The following SULT1A1 variants were observed in gnomAD, a reference collection of about 807,000 sequenced individuals.
The protein encoded by SULT1A1 is sulfotransferase family 1A member 1.
In SULT1A1, 35 loss-of-function variants were observed where a neutral mutation model predicts 36.8. The ratio of observed to expected loss-of-function variants is 0.95; its 90% CI spans 0.73 to 1.26. The LOEUF (loss-of-function observed/expected upper bound fraction) is 1.26. Among genes scored for constraint, SULT1A1 ranks in the 50% most tolerant of loss-of-function variants. The probability of loss-of-function intolerance (pLI) is 0.00; values close to 1 mark genes in which losing one functional copy is unlikely to be tolerated. For missense variants in SULT1A1, 309 were observed against 383.0 expected (o/e 0.81, Z 1.61); for synonymous variants, 119 against 146.0 (o/e 0.82, Z 1.33).
upstream of SULT1A1, chr16:28,610,341 C>T: frequency 1.4e-6 from 1 of 692,624 alleles, no homozygotes; most frequent in Non-Finnish European, 2.0e-6. Context: ...CCCTGCCAGG[C>T]AGCCAACAGA....
rs1596633263 is a variant in SULT1A1, at chr16:28,608,313, G to A, written c.350C>T (p.Thr117Ile). Residue 117 changes from threonine to isoleucine, a missense_variant, in exon 4 of 8, where the codon ACT becomes ATT. Physicochemically the swap from Thr to Ile is moderately conservative, Grantham distance 89. This residue lies in a region of SULT1A1 where 219 missense variants were observed against 215.3 expected (regional missense o/e 1.02). Transcript: ENST00000314752. ...THLPLALLPQ[T>I]LLDQKVKVVY... is the part of the protein sequence containing the mutation. ...CACCTTGACCTTCTGATCCAACAGA[G>A]TCTGGGGGAGCAGAGCCAGGGGCAG... is the stretch of plus-strand genomic sequence containing the variant. 1.2e-6 allele frequency: 2 copies of A among 1,612,392 alleles called. No individual in the cohort carries two copies. The highest frequency in any genetic ancestry group is 4.5e-5 in the East Asian group (2 of 44,874).
At chr16:28,620,716 G>A (rs745857025) in intron 1 of SULT1A1, among the ~76,000 whole-genome samples, 2 of 152,134 alleles carry the variant, frequency 1.3e-5, no homozygotes, top group African/African-American at 2.4e-5. Flanking sequence ...AAACAATCCA[G>A]TTACAATAGT....
In SULT1A1 at chr16:28,608,550, C is replaced by A; in HGVS notation, c.202G>T (p.Glu68Ter). 6.2e-7 allele frequency: 1 copy of A among 1,612,506 alleles called. No individual in the cohort carries two copies. Among genetic ancestry groups the A allele is most frequent in the Non-Finnish European group, 8.5e-7 (1 of 1,178,696 alleles). ...AAGATGGGAGCTCGGTGACACTTCT[C>A]CAGGTCACCACCCTGGTAGATCATG... ...LDMIYQGGDL[E>*]KCHRAPIFMR... Residue 68 changes from glutamate to a stop codon, truncating the protein, a stop_gained, in exon 3 of 8, where the codon GAG (glutamate) becomes TAG (stop). Coordinates refer to ENST00000314752, the MANE Select transcript of SULT1A1 (RefSeq NM_001055.4). LOFTEE classifies it high-confidence loss of function.
At chr16:28,623,225 G>A (rs908749232) in exon 1 of SULT1A1, 3 of 1,545,166 alleles carry the variant, frequency 1.9e-6, no homozygotes, top group Non-Finnish European at 2.6e-6. Flanking sequence ...CCGGGAGCGC[G>A]CGCTCCAGCA....
At chr16:28,611,106 T>G (rs1473781369), upstream of SULT1A1, 1 of 152,418 alleles carries the variant, frequency 6.6e-6, no homozygotes, top group Admixed American at 6.6e-5. Context: ...GCTCCACCCC[T>G]GCCCTCAGCA....
chr16:28,609,765 A>G (rs1301220362), intron 1 of SULT1A1, 166 bp downstream of exon 1: 1 of 859,748 alleles, frequency 1.2e-6, no homozygotes, highest in Non-Finnish European at 1.6e-6. Context: ...GGGGAAAAAA[A>G]CAAACAAACA....
At position 28,606,803 on chromosome 16, in the gene SULT1A1, G is replaced by A; in HGVS notation, c.552C>T (p.Arg184=). 1.2e-6 allele frequency: 2 copies of A among 1,612,494 alleles called. No homozygotes were observed. The highest frequency in any genetic ancestry group is 8.5e-7 in the Non-Finnish European group (1 of 1,178,708). Residue 184 remains arginine (R), a synonymous_variant, in exon 6 of 8, where the codon CGC becomes CGT. Coordinates refer to ENST00000314752, the MANE Select transcript of SULT1A1 (RefSeq NM_001055.4). Reference sequence around the variant, plus strand: ...AGAAGAGGTAGAGAACAGGGTGGGTGCGGCTCAGCTCCCACCACTCCTGCA... The same window carrying A: ...AGAAGAGGTAGAGAACAGGGTGGGTACGGCTCAGCTCCCACCACTCCTGCA... ...QHVQEWWELS[R]THPVLYLFYE... is the part of the protein sequence containing the mutation.
rs768899038 is a variant in SULT1A1, at chr16:28,607,062, G to T, written c.388C>A (p.Arg130Ser). 6.2e-7 allele frequency: 1 copy of T among 1,612,254 alleles called. No individual in the cohort carries two copies. The highest frequency in any genetic ancestry group is 1.1e-5 in the South Asian group (1 of 91,040). The change falls in exon 5 of 8, where the codon CGC (arginine) becomes AGC (serine). Residue 130 changes from arginine (R) to serine (S), a missense_variant. Physicochemically the swap from Arg to Ser is moderately radical, Grantham distance 110. Coordinates refer to ENST00000314752, the MANE Select transcript of SULT1A1 (RefSeq NM_001055.4). ...DQKVKVVYVA[R>S]NAKDVAVSYY... ...GAAACTGCCACATCCTTTGCGTTGC[G>T]GGCAACATAGACCACCTGCAGGGGC...
intron 1 of SULT1A1, among the ~76,000 whole-genome samples, chr16:28,622,532 A>G (rs1596658753): frequency 6.6e-6 from 1 of 152,140 alleles, no homozygotes; most frequent in East Asian, 1.9e-4. Flanking sequence ...TTGTTACCAA[A>G]GCAGGACTAG....
chr16:28,619,268 C>CTAATCCCAGCCTAA, intron 2 of SULT1A1, among the ~76,000 whole-genome samples: 4 of 152,178 alleles, frequency 2.6e-5, no homozygotes, highest in Admixed American at 2.6e-4. Context: ...CTGCCTCAGC[C>CTAATCCCAGCCTAA]TCCCAGGTGT....
rs142847837 is a variant in SULT1A1 at position 28,616,643 on chromosome 16, G to A, written c.138+3420C>T. On this transcript the variant is annotated intron_variant, in intron 2 of 5. Transcript: ENST00000350842. ...TTGCTATGTTGCCCAAGCTGGTCTC[G>A]AACTCCTAACCTCAAGGGATCCTCT... Among the ~76,000 whole-genome samples the A allele has an allele frequency of 3.3e-5, 5 of 151,976 alleles. No homozygotes were observed. The East Asian group carries it at 9.7e-4, about 29-fold the overall frequency.
At chr16:28,617,916 G>C (rs1457486774) in intron 2 of SULT1A1, among the ~76,000 whole-genome samples, 1 of 152,086 alleles carries the variant, frequency 6.6e-6, no homozygotes, top group Non-Finnish European at 1.5e-5. Flanking sequence ...TTCTTTTCCT[G>C]AGGGTAGATG....
intron 2 of SULT1A1, among the ~76,000 whole-genome samples, chr16:28,616,551 G>A (rs146233343): frequency 6.6e-6 from 1 of 152,084 alleles, no homozygotes; most frequent in Non-Finnish European, 1.5e-5. Context: ...GCCTCTCAAA[G>A]TGGTGAGATT....
intron 2 of SULT1A1, among the ~76,000 whole-genome samples, chr16:28,619,611 T>A (rs1354952606): frequency 6.6e-6 from 1 of 151,952 alleles, no homozygotes; most frequent in African/African-American, 2.4e-5. Flanking sequence ...TCTCAGCTAC[T>A]CAGAAGGATG....
At chr16:28,615,612 G>A (rs551420071) in intron 2 of SULT1A1, among the ~76,000 whole-genome samples, 4 of 152,144 alleles carry the variant, frequency 2.6e-5, no homozygotes, top group South Asian at 2.1e-4. Context: ...GTGACAGCAC[G>A]GCCAACACAG....
chr16:28,606,296 G>T (rs1204868378), intron 6 of SULT1A1, 60 bp from the exon 7 acceptor site: 43 of 1,610,472 alleles, frequency 2.7e-5, no homozygotes, highest in Non-Finnish European at 3.5e-5. Context: ...AAAGTAAAAG[G>T]GGTCCCCTTC....
chr16:28,606,854 C>T lies in SULT1A1; in HGVS notation c.501G>A (p.Val167=), dbSNP rs887461171. The T allele has an allele frequency of 6.2e-7, 1 of 1,612,410 alleles. No individual in the cohort carries two copies. The highest frequency in any genetic ancestry group is 1.3e-5 in the African/African-American group (1 of 74,878). ...SFLEKFMVGE[V]SYGSWYQHVQ... Reference sequence around the variant, plus strand: ...CGTGCTGGTACCAGGATCCGTAGGACACTGGAGAAGCAGGCAAGGGGTGCC... The same window carrying T: ...CGTGCTGGTACCAGGATCCGTAGGATACTGGAGAAGCAGGCAAGGGGTGCC... The change falls in exon 6 of 8, where the codon GTG becomes GTA. Residue 167 remains valine, a splice_region_variant and synonymous_variant. Coordinates refer to ENST00000314752, the MANE Select transcript of SULT1A1 (RefSeq NM_001055.4).
At chr16:28,608,159 G>T (rs1361892650) in intron 4 of SULT1A1, 132 bp downstream of exon 4, 6 of 1,314,580 alleles carry the variant, frequency 4.6e-6, no homozygotes, top group Non-Finnish European at 5.2e-6. Context: ...GGCTAATTTT[G>T]TATTTTTAGT....
chr16:28,609,340 A>G (rs1393157575), intron 1 of SULT1A1: 5 of 1,290,198 alleles, frequency 3.9e-6, no homozygotes, highest in South Asian at 3.7e-5. Flanking sequence ...CGCCCAGGCC[A>G]GCCAGGCCTG....
Sources: gnomAD v4.1 joint callset for allele counts (sites outside exome capture counted in the v4.1 genomes callset) on GRCh38, gnomAD v4.1.1 for gene constraint, gnomAD v4.1.1 regional missense constraint, MANE v1.5 for transcripts, NCBI Gene and HGNC (gene_info 2026-07-23, HGNC 2026-07-21) for gene names.